PSD3: variants seen among roughly 807,000 people sequenced by gnomAD.
PSD3 encodes the protein PH and SEC7 domain-containing protein 3.
PSD3 carries 49 observed loss-of-function variants against 105.5 expected under a neutral mutation model. The observed-to-expected ratio is 0.46, with a 90% CI of 0.37 to 0.59. The LOEUF is 0.59. PSD3 is among the 20% of genes least tolerant of loss of function. PSD3 has a pLI of 0.00. For synonymous variants in PSD3, 557 were observed against 457.8 expected (o/e 1.22, Z -2.77); for missense variants, 1,561 against 1,263.8 (o/e 1.24, Z -3.57).
rs1221292702 is a variant in PSD3, at chr8:18,850,502, A to G, written c.1634+17172T>C. 2.0e-5 allele frequency among the ~76,000 whole-genome samples: 3 copies of G among 152,096 alleles called. No individual in the cohort carries two copies. In the East Asian group the frequency reaches 5.8e-4, roughly 29 times the overall value. On this transcript the variant is annotated intron_variant, in intron 4 of 15. Coordinates refer to ENST00000327040, the MANE Select transcript of PSD3 (RefSeq NM_015310.4). ...CTTAACACCCTGTCACCCTTAAGAGATTTTCATTCATTTAGTTCTCAGAAG... is the reference window on the plus strand; with the variant it reads ...CTTAACACCCTGTCACCCTTAAGAGGTTTTCATTCATTTAGTTCTCAGAAG...
At chr8:18,824,693 GA>G (rs1304063639) in intron 4 of PSD3, among the ~76,000 whole-genome samples, 1 of 152,166 alleles carries the variant, frequency 6.6e-6, no homozygotes, top group Non-Finnish European at 1.5e-5. Flanking sequence ...ATGCTACAAA[GA>G]AATGTGTAGT....
chr8:19,031,993 G>T lies in PSD3; in HGVS notation c.324+52213C>A, dbSNP rs189478163. On this transcript the variant is annotated intron_variant, in intron 1 of 1. Coordinates refer to the PSD3 transcript ENST00000521475. ...ACAATCTCTTCTATTTTGGAGAAAT[G>T]ATAGCCTGCTTAGGGAAATCCTTTC... Among the ~76,000 whole-genome samples the T allele has an allele frequency of 1.6e-3, 247 of 152,172 alleles. 1 individual carries two copies. Among genetic ancestry groups the T allele is most frequent in the African/African-American group, 5.7e-3 (235 of 41,522 alleles).
chr8:18,854,430 C>T (rs373033629), intron 4 of PSD3: 3 of 152,240 alleles, frequency 2.0e-5, no homozygotes, highest in East Asian at 3.9e-4. Flanking sequence ...CCTCACAAAC[C>T]TCTAGTTTAA....
chr8:18,556,255 T>C lies in PSD3; in HGVS notation c.2882A>G (p.Lys961Arg). ...TTTCAGTTTGTACTCATCGACGTCC[T>C]TGGCTTTGACCTTCTTGTCGGGGGG... ...SYPPDKKVKA[K>R]DVDEYKLKDH... The change falls in exon 15 of 16, where the codon AAG (lysine) becomes AGG (arginine). Residue 961 changes from lysine (K) to arginine (R), a missense_variant. Coordinates refer to ENST00000327040, the MANE Select transcript of PSD3 (RefSeq NM_015310.4). 1 of 1,614,152 alleles carries C rather than the reference T, an allele frequency of 6.2e-7. No individual in the cohort carries two copies. The highest frequency in any genetic ancestry group is 8.5e-7 in the Non-Finnish European group (1 of 1,180,006).
intron 6 of PSD3, among the ~76,000 whole-genome samples, chr8:18,802,541 C>G (rs921127386): frequency 3.3e-5 from 5 of 152,100 alleles, no homozygotes; most frequent in African/African-American, 1.2e-4. Context: ...TAAACTACAT[C>G]AGAATGCAAG....
At chr8:18,779,098 T>C (rs1049567301) in intron 8 of PSD3, among the ~76,000 whole-genome samples, 3 of 152,168 alleles carry the variant, frequency 2.0e-5, no homozygotes, top group African/African-American at 7.2e-5. Context: ...TTTTCTCTGT[T>C]AGAAGACATT....
intron 4 of PSD3, among the ~76,000 whole-genome samples, chr8:18,856,917 TGTGCCA>T (rs143634378): frequency 2.0e-3 from 307 of 152,340 alleles, no homozygotes; most frequent in Non-Finnish European, 3.4e-3. Context: ...TTACTGATTA[TGTGCCA>T]GTAAATGACT....
intron 10 of PSD3, among the ~76,000 whole-genome samples, chr8:18,646,263 C>T (rs534439289): frequency 1.6e-4 from 25 of 152,116 alleles, no homozygotes; most frequent in African/African-American, 4.1e-4. Context: ...ATAACTTTTT[C>T]GAGCAAGAAA....
intron 4 of PSD3, among the ~76,000 whole-genome samples, chr8:18,829,082 A>G (rs1310965056): frequency 6.6e-6 from 1 of 151,932 alleles, no homozygotes; most frequent in Non-Finnish European, 1.5e-5. Flanking sequence ...AAAAAAAAAT[A>G]CTGAAAATTT....
chr8:18,933,004 A>G (rs1193531870), intron 2 of PSD3, among the ~76,000 whole-genome samples: 2 of 152,232 alleles, frequency 1.3e-5, no homozygotes, highest in Non-Finnish European at 2.9e-5. Flanking sequence ...CTTCTTAGCT[A>G]AAGAATAAGA....
At chr8:18,943,159 G>A (rs1052630288) in intron 1 of PSD3, among the ~76,000 whole-genome samples, 3 of 152,186 alleles carry the variant, frequency 2.0e-5, no homozygotes, top group Non-Finnish European at 2.9e-5. Flanking sequence ...AACAAAGGAG[G>A]CATGGTGAAA....
intron 1 of PSD3, among the ~76,000 whole-genome samples, chr8:18,998,922 A>G (rs1413518137): frequency 3.3e-5 from 5 of 151,956 alleles, no homozygotes; most frequent in Admixed American, 6.5e-5. Context: ...TACTTTAGTA[A>G]CTCACTCACT....
chr8:18,629,079 A>C (rs908679830), intron 11 of PSD3, among the ~76,000 whole-genome samples: 2 of 152,024 alleles, frequency 1.3e-5, no homozygotes, highest in African/African-American at 4.8e-5. Context: ...CCATAAATTA[A>C]CAATAAAAAG....
In PSD3 at chr8:18,686,289, G is replaced by A. The variant is rs138905496; in HGVS notation, c.2173-30604C>T. Among the ~76,000 whole-genome samples the A allele has an allele frequency of 2.6e-5, 4 of 152,268 alleles. No homozygotes were observed. In the East Asian group the frequency reaches 7.7e-4, roughly 29 times the overall value. On this transcript the variant is annotated intron_variant, in intron 9 of 15. Coordinates refer to ENST00000327040, the MANE Select transcript of PSD3 (RefSeq NM_015310.4). Reference sequence around the variant, plus strand: ...ATGACAATTCTGCGAAGTGGGTTGAGGTAATATTGCAATCCCCACTTTCCT... The same window carrying A: ...ATGACAATTCTGCGAAGTGGGTTGAAGTAATATTGCAATCCCCACTTTCCT...
chr8:18,972,582 C>T (rs1824717322), intron 1 of PSD3, among the ~76,000 whole-genome samples: 1 of 152,194 alleles, frequency 6.6e-6, no homozygotes, highest in East Asian at 1.9e-4. Context: ...ACATTAAAAC[C>T]CTAATCCCAG....
chr8:19,033,510 G>C (rs192698091), intron 1 of PSD3, among the ~76,000 whole-genome samples: 1 of 150,538 alleles, frequency 6.6e-6, no homozygotes, highest in Admixed American at 6.6e-5. Flanking sequence ...AATTTAAAAC[G>C]TCTCTTCCTT....
intron 1 of PSD3, among the ~76,000 whole-genome samples, chr8:18,938,170 T>C (rs1010952775): frequency 2.0e-5 from 3 of 152,198 alleles, no homozygotes; most frequent in Non-Finnish European, 2.9e-5. Flanking sequence ...ATGGGTGTTA[T>C]ATGGAAAATG....
chr8:18,943,133 G>A (rs531989743), intron 1 of PSD3, among the ~76,000 whole-genome samples: 1 of 152,206 alleles, frequency 6.6e-6, no homozygotes, highest in South Asian at 2.1e-4. Flanking sequence ...ATAGAGACAG[G>A]GTGGCTGCAA....
intron 9 of PSD3, among the ~76,000 whole-genome samples, chr8:18,658,319 A>T (rs1374274803): frequency 2.6e-4 from 40 of 152,198 alleles, no homozygotes; most frequent in Admixed American, 2.6e-3. Flanking sequence ...ATACACTCTC[A>T]ACACAACTTC....
Sources: gnomAD v4.1 joint callset for allele counts (sites outside exome capture counted in the v4.1 genomes callset) on GRCh38, gnomAD v4.1.1 for gene constraint, MANE v1.5 for transcripts, NCBI Gene and HGNC (gene_info 2026-07-23, HGNC 2026-07-21) for gene names.